Variants in CYP4X1 observed in about 807,000 individuals in gnomAD.
CYP4X1 encodes the protein cytochrome P450 family 4 subfamily X member 1.
CYP4X1 carries 44 observed loss-of-function variants against 57.9 expected under a neutral mutation model. The observed-to-expected ratio is 0.76, with a 90% CI of 0.60 to 0.98. The LOEUF (loss-of-function observed/expected upper bound fraction) is 0.98, where lower values mean the gene tolerates loss of function less well. Ranked by LOEUF, CYP4X1 falls within the 50% of genes least tolerant of loss-of-function variation. The pLI, the probability that CYP4X1 is intolerant of heterozygous loss-of-function variation, is 0.00. For synonymous variants in CYP4X1, 227 were observed against 228.6 expected (o/e 0.99, Z 0.06); for missense variants, 532 against 623.9 (o/e 0.85, Z 1.57).
At chr1:46,983,938 G>A in the CYP4X1 span, among the ~76,000 whole-genome samples, 1 of 152,090 alleles carries the variant, frequency 6.6e-6, no homozygotes, top group African/African-American at 2.4e-5. Flanking sequence ...CAGCATCATT[G>A]GTACAGCCCC....
chr1:47,017,392 G>A, the CYP4X1 span, among the ~76,000 whole-genome samples: 1 of 151,546 alleles, frequency 6.6e-6, no homozygotes, highest in Non-Finnish European at 1.5e-5. Context: ...ATAGATTCCT[G>A]TAGGCTGGTG....
Position 47,036,150 on chromosome 1 carries a change from C to G in CYP4X1, c.754C>G (p.Arg252Gly). 1 of 1,613,170 alleles carries G rather than the reference C, an allele frequency of 6.2e-7. No individual in the cohort carries two copies. Among genetic ancestry groups the G allele is most frequent in the South Asian group, 1.1e-5 (1 of 90,966 alleles). Reference protein sequence around the residue: ...PQGYRFQKLSRVLNQYTDTII... With the variant: ...PQGYRFQKLSGVLNQYTDTII... ...GGGCTACCGCTTCCAGAAGTTAAGCCGAGTGTTGAATCAGTACACAGGTAT... is the reference window on the plus strand; with the variant it reads ...GGGCTACCGCTTCCAGAAGTTAAGCGGAGTGTTGAATCAGTACACAGGTAT... Residue 252 changes from arginine (R) to glycine (G), a missense_variant, in exon 6 of 12, where the codon CGA becomes GGA. Coordinates refer to ENST00000371901, the MANE Select transcript of CYP4X1 (RefSeq NM_178033.2).
chr1:46,988,069 A>G, the CYP4X1 span, among the ~76,000 whole-genome samples: 1 of 152,048 alleles, frequency 6.6e-6, no homozygotes, highest in Admixed American at 6.6e-5. Flanking sequence ...GACATAAAAA[A>G]CCCCTTCAAA....
At chr1:47,043,154 C>A (rs1180848128) in intron 8 of CYP4X1, among the ~76,000 whole-genome samples, 1 of 152,124 alleles carries the variant, frequency 6.6e-6, no homozygotes, top group African/African-American at 2.4e-5. Flanking sequence ...GCCATTCTTG[C>A]AGGAGTAAGG....
chr1:47,046,433 A>AT (rs748096160), intron 8 of CYP4X1, 34 bp from the exon 9 acceptor site: 1 of 1,611,742 alleles, frequency 6.2e-7, no homozygotes, highest in South Asian at 1.1e-5. Flanking sequence ...ACTGGTTATG[A>AT]TATCTGAGTC....
chr1:46,998,059 G>A, the CYP4X1 span, among the ~76,000 whole-genome samples: 1 of 152,022 alleles, frequency 6.6e-6, no homozygotes, highest in South Asian at 2.1e-4. Context: ...TTGAAAGGAG[G>A]TGTTTTTTAT....
At chr1:47,003,417 G>A in the CYP4X1 span, among the ~76,000 whole-genome samples, 3 of 152,126 alleles carry the variant, frequency 2.0e-5, no homozygotes, top group Admixed American at 1.3e-4. Flanking sequence ...ACAGGTCCCT[G>A]CAATTTCCAT....
At chr1:47,000,959 A>AT in the CYP4X1 span, 1 of 178,340 alleles carries the variant, frequency 5.6e-6, no homozygotes, top group Non-Finnish European at 1.3e-5. Flanking sequence ...CCATTGTTGA[A>AT]TTTCAACACC....
chr1:46,970,185 C>T, the CYP4X1 span, among the ~76,000 whole-genome samples: 4 of 152,152 alleles, frequency 2.6e-5, no homozygotes, highest in Admixed American at 2.6e-4. Flanking sequence ...GAAAAACAAA[C>T]ACCTGAAGTT....
chr1:47,023,912 TGTACCTGCGGAGGCAGCGGCTGCTGCG>T lies in CYP4X1; in HGVS notation c.97_123del (p.Tyr33_Arg41del). 6.2e-7 allele frequency: 1 copy of T among 1,613,686 alleles called. No homozygotes were observed. On this transcript the variant is annotated inframe_deletion, in exon 1 of 12. Transcript: ENST00000371901. ...CTGGGGCTGCTGCAGGCCATTAAGCTGTACCTGCGGAGGCAGCGGCTGCTGCGGGACCTGCGCCCCTTCCCAGCGCCC... is the reference window on the plus strand; with the variant it reads ...CTGGGGCTGCTGCAGGCCATTAAGCTGGACCTGCGCCCCTTCCCAGCGCCC...
At chr1:47,011,885 C>T in the CYP4X1 span, among the ~76,000 whole-genome samples, 5 of 152,188 alleles carry the variant, frequency 3.3e-5, no homozygotes, top group East Asian at 3.9e-4. Flanking sequence ...GTTAGAATGG[C>T]GATCATTAAA....
chr1:47,004,825 CAT>C, the CYP4X1 span, among the ~76,000 whole-genome samples: 5 of 152,178 alleles, frequency 3.3e-5, no homozygotes, highest in African/African-American at 4.8e-5. Flanking sequence ...CAAATGTGCA[CAT>C]GTTTCAGATT....
At chr1:46,981,687 G>A in the CYP4X1 span, among the ~76,000 whole-genome samples, 1 of 152,342 alleles carries the variant, frequency 6.6e-6, no homozygotes. Context: ...GCACATGTAT[G>A]TTTATTGCGG....
the CYP4X1 span, among the ~76,000 whole-genome samples, chr1:46,971,837 C>T: frequency 1.3e-5 from 2 of 151,950 alleles, no homozygotes; most frequent in African/African-American, 2.4e-5. Context: ...GATATTAGAC[C>T]TCTGTCAAAT....
At chr1:47,012,136 A>G in the CYP4X1 span, among the ~76,000 whole-genome samples, 1 of 152,248 alleles carries the variant, frequency 6.6e-6, no homozygotes. Context: ...ACTATTCACA[A>G]TAGCAAAGAC....
the CYP4X1 span, among the ~76,000 whole-genome samples, chr1:46,971,862 T>C: frequency 6.6e-6 from 1 of 152,194 alleles, no homozygotes; most frequent in Non-Finnish European, 1.5e-5. Context: ...ACCTTGCAAA[T>C]ATTTTCTCCT....
the CYP4X1 span, among the ~76,000 whole-genome samples, chr1:46,992,167 T>G: frequency 6.6e-6 from 1 of 152,180 alleles, no homozygotes; most frequent in Non-Finnish European, 1.5e-5. Flanking sequence ...AAAAATTAAA[T>G]TAGCTGAGTG....
chr1:46,988,668 T>A, the CYP4X1 span, among the ~76,000 whole-genome samples: 2 of 152,076 alleles, frequency 1.3e-5, no homozygotes, highest in African/African-American at 4.8e-5. Flanking sequence ...CAGCAGCACA[T>A]CAAAAAGCTT....
At chr1:46,999,976 G>A in the CYP4X1 span, among the ~76,000 whole-genome samples, 1 of 152,110 alleles carries the variant, frequency 6.6e-6, no homozygotes, top group African/African-American at 2.4e-5. Flanking sequence ...TTTGAAATGT[G>A]AGAAGGACAT....
Sources: gnomAD v4.1 joint callset for allele counts (sites outside exome capture counted in the v4.1 genomes callset) on GRCh38, gnomAD v4.1.1 for gene constraint, MANE v1.5 for transcripts, NCBI Gene and HGNC (gene_info 2026-07-23, HGNC 2026-07-21) for gene names.